Variants in ROS1 observed in about 807,000 individuals in gnomAD.
ROS1 encodes the protein proto-oncogene tyrosine-protein kinase ROS.
A neutral mutation model predicts 273.5 loss-of-function variants in ROS1; 263 were observed. The observed-to-expected ratio is 0.96, with a 90% CI of 0.87 to 1.06. ROS1 has a LOEUF of 1.06. Among genes scored for constraint, ROS1 ranks in the 50% least tolerant of loss-of-function variants. ROS1 has a pLI of 0.00. For missense variants in ROS1, 2,833 were observed against 2,751.1 expected, an observed-to-expected ratio of 1.03 and a Z score of -0.67; for synonymous variants, 1,008 against 954.1, an observed-to-expected ratio of 1.06 and a Z score of -1.04.
chr6:117,342,676 A>C, intron 28 of ROS1, 132 bp from the exon 29 acceptor site: 1 of 613,886 alleles, frequency 1.6e-6, no homozygotes, highest in Non-Finnish European at 2.7e-6. Flanking sequence ...CTGGATTATT[A>C]ATGGTAATAC....
In ROS1 at chr6:117,310,190, T is replaced by C. The variant is rs1582578695; in HGVS notation, c.6307A>G (p.Ile2103Val). Reference sequence around the variant, plus strand: ...TTTCTATAGTAATCATTTTTATAGATGTCTCTGGCGAGTCCAAAGTCTCCA... The same window carrying C: ...TTTCTATAGTAATCATTTTTATAGACGTCTCTGGCGAGTCCAAAGTCTCCA... ...KIGDFGLARD[I>V]YKNDYYRKRG... Residue 2103 changes from isoleucine to valine, a missense_variant, in exon 41 of 44, where the codon ATC becomes GTC. Transcript: ENST00000368507. 1 of 1,613,258 alleles carries C rather than the reference T, an allele frequency of 6.2e-7. No individual in the cohort carries two copies. The highest frequency in any genetic ancestry group is 8.5e-7 in the Non-Finnish European group (1 of 1,179,430).
At position 117,414,527 on chromosome 6, in the gene ROS1, C is replaced by T. The variant is rs751908071; in HGVS notation, c.247G>A (p.Val83Ile). The change falls in exon 4 of 44, where the codon GTT becomes ATT. Residue 83 changes from valine to isoleucine, a missense_variant. By Grantham distance (29) the Val-to-Ile change is conservative. Transcript: ENST00000368507. ...TGTGATTGCCAACTCACCTCACAAA[C>T]GGTGGCATAAGTATCATTCTGCATA... is the stretch of plus-strand genomic sequence containing the variant. ...ALKCNDTYATVCERESCEVGC... is the reference protein window; with the variant it reads ...ALKCNDTYATICERESCEVGC... 11 of 731,854 alleles carry T rather than the reference C, an allele frequency of 1.5e-5. No homozygotes were observed. The highest frequency in any genetic ancestry group is 2.5e-5 in the East Asian group (1 of 39,258). The allele number at this position is 731,854 out of a possible 1,614,324, so 45.3% of individuals were successfully genotyped here. A position where few individuals can be genotyped will look rare whatever the true frequency, so the allele number is the denominator to read the frequency against.
chr6:117,388,223 A>G (rs1772755126), intron 13 of ROS1, among the ~76,000 whole-genome samples: 1 of 152,228 alleles, frequency 6.6e-6, no homozygotes, highest in Non-Finnish European at 1.5e-5. Context: ...CCCAACAAAT[A>G]GGACTGTCCT....
chr6:117,310,250 C>T lies in ROS1; in HGVS notation c.6247G>A (p.Val2083Met), dbSNP rs750308356. The T allele has an allele frequency of 1.9e-5, 31 of 1,609,778 alleles. No individual in the cohort carries two copies. Among genetic ancestry groups the T allele is most frequent in the Admixed American group, 1.3e-4 (8 of 59,792 alleles). The change falls in exon 41 of 44, where the codon GTG becomes ATG. Residue 2083 changes from valine (V) to methionine (M), a missense_variant. By Grantham distance (21) the Val-to-Met change is conservative (BLOSUM62 1). Coordinates refer to ENST00000368507, the MANE Select transcript of ROS1 (RefSeq NM_001378902.1). ...DLAARNCLVS[V>M]KDYTSPRIVK... The stretch of plus-strand genomic sequence containing the variant: ...ATCCGTGGACTGGTATAGTCTTTCA[C>T]GGAAACAAGGCAATTTCTAGCTGCC...
chr6:117,369,022 T>G (rs578231321), intron 18 of ROS1, among the ~76,000 whole-genome samples: 1 of 152,200 alleles, frequency 6.6e-6, no homozygotes, highest in Non-Finnish European at 1.5e-5. Flanking sequence ...TAATTACATA[T>G]GTGACTTGCA....
Position 117,404,302 on chromosome 6 carries a change from A to G in ROS1, c.443T>C (p.Leu148Pro). ...TACCTTAGTATAAGTCCAGCTTCCC[A>G]GAAGTTGTGCATATTTCCACTGAAT... ...YIIQWKYAQL[L>P]GSWTYTKTVS... The change falls in exon 6 of 44, where the codon CTG becomes CCG. Residue 148 changes from leucine to proline, a missense_variant. Transcript: ENST00000368507. 2 of 1,613,982 alleles carry G rather than the reference A, an allele frequency of 1.2e-6. No individual in the cohort carries two copies. The highest frequency in any genetic ancestry group is 1.7e-6 in the Non-Finnish European group (2 of 1,179,948).
intron 13 of ROS1, among the ~76,000 whole-genome samples, 191 bp downstream of exon 13, chr6:117,389,159 G>A (rs1772839911): frequency 6.6e-6 from 1 of 152,208 alleles, no homozygotes; most frequent in South Asian, 2.1e-4. Flanking sequence ...GAGAAGTATA[G>A]AGATTCTCCT....
In ROS1 at chr6:117,317,164, C is replaced by CA. The variant is rs1265463041; in HGVS notation, c.6095dup (p.Leu2032PhefsTer3). ...CTACCGTTGCCATCCGGGCTTTACG[C>CA]AAATAAGTAAGAAGGTCTCCTCCCT... On this transcript the variant is annotated frameshift_variant, in exon 39 of 44. Transcript: ENST00000368507. LOFTEE classifies it high-confidence loss of function. 4 of 1,612,904 alleles carry CA rather than the reference C, an allele frequency of 2.5e-6. No homozygotes were observed. In the African/African-American group the frequency reaches 5.3e-5, roughly 22 times the overall value.
At chr6:117,346,608 T>C (rs995776564) in intron 27 of ROS1, among the ~76,000 whole-genome samples, 4 of 152,020 alleles carry the variant, frequency 2.6e-5, no homozygotes, top group Non-Finnish European at 5.9e-5. Context: ...TAGTCAGTTT[T>C]AGATTCACAG....
intron 4 of ROS1, among the ~76,000 whole-genome samples, chr6:117,412,514 C>T (rs147609569): frequency 5.9e-5 from 9 of 152,158 alleles, no homozygotes; most frequent in East Asian, 3.9e-4. Context: ...AAGCTTCCTA[C>T]GTTCAAACAT....
chr6:117,410,724 C>A (rs962171783), intron 4 of ROS1, among the ~76,000 whole-genome samples: 3 of 152,224 alleles, frequency 2.0e-5, no homozygotes, highest in African/African-American at 7.2e-5. Context: ...GGAAAGCAGG[C>A]ACAATACATT....
rs1254203522 is a variant in ROS1 at position 117,338,182 on chromosome 6, A to G, written c.5062-842T>C. 2.6e-5 allele frequency among the ~76,000 whole-genome samples: 4 copies of G among 152,258 alleles called. No homozygotes were observed. The East Asian group carries it at 5.8e-4, about 22-fold the overall frequency. On this transcript the variant is annotated intron_variant, in intron 31 of 43. Coordinates refer to ENST00000368507, the MANE Select transcript of ROS1 (RefSeq NM_001378902.1). ...TGTATTTTCCCTGTAGAGTTTCATA[A>G]AAAGGTCAGTTTCCATAAATAAACT... is the stretch of plus-strand genomic sequence containing the variant.
intron 4 of ROS1, among the ~76,000 whole-genome samples, chr6:117,410,028 C>T (rs1442799122): frequency 1.3e-5 from 2 of 152,286 alleles, no homozygotes; most frequent in South Asian, 2.1e-4. Flanking sequence ...TTAAAGTACA[C>T]AGTTCAGTGC....
At chr6:117,355,520 C>A (rs1298600923) in intron 26 of ROS1, among the ~76,000 whole-genome samples, 1 of 152,154 alleles carries the variant, frequency 6.6e-6, no homozygotes, top group African/African-American at 2.4e-5. Flanking sequence ...CCTACATTGT[C>A]CAATACAGTG....
chr6:117,334,851 T>G (rs1440898627), intron 32 of ROS1, among the ~76,000 whole-genome samples: 1 of 152,156 alleles, frequency 6.6e-6, no homozygotes, highest in African/African-American at 2.4e-5. Flanking sequence ...CAAGATGGAT[T>G]AAACACTTAA....
At chr6:117,402,182 C>A (rs1365249216) in intron 7 of ROS1, among the ~76,000 whole-genome samples, 1 of 152,178 alleles carries the variant, frequency 6.6e-6, no homozygotes, top group Non-Finnish European at 1.5e-5. Context: ...CTGGGTCTGG[C>A]CCCCATCTCT....
chr6:117,353,016 T>C lies in ROS1; in HGVS notation c.4277A>G (p.Tyr1426Cys), dbSNP rs1779004353. Residue 1426 changes from tyrosine to cysteine, a missense_variant, in exon 27 of 44, where the codon TAC (tyrosine) becomes TGC (cysteine). Physicochemically the swap from Tyr to Cys is radical, Grantham distance 194. Coordinates refer to ENST00000368507, the MANE Select transcript of ROS1 (RefSeq NM_001378902.1). ...TGGAAAAGGCTGCATAACTGAACTG[T>C]AAGCCAAGATATGCCTACTCCTTAG... is the stretch of plus-strand genomic sequence containing the variant. ...KALRSRHILA[Y>C]SSVMQPFPDK... The C allele has an allele frequency of 1.2e-6, 2 of 1,613,604 alleles. No homozygotes were observed. Among genetic ancestry groups the C allele is most frequent in the African/African-American group, 2.7e-5 (2 of 74,906 alleles).
At chr6:117,418,555 C>T (rs574741087) in intron 1 of ROS1, 49 bp from the exon 2 acceptor site, 133 of 1,380,886 alleles carry the variant, frequency 9.6e-5, no homozygotes, top group Admixed American at 1.2e-4. Context: ...TACTGGGTTC[C>T]GTGTAACTAA....
intron 39 of ROS1, among the ~76,000 whole-genome samples, chr6:117,314,508 TA>T (rs1366754967): frequency 6.6e-6 from 1 of 152,180 alleles, no homozygotes; most frequent in Non-Finnish European, 1.5e-5. Flanking sequence ...AAGGCCTAAC[TA>T]AATCATAGAT....
Sources: allele counts gnomAD v4.1 joint callset (sites outside exome capture counted in the v4.1 genomes callset), GRCh38; gene constraint gnomAD v4.1.1; transcripts MANE v1.5; gene names NCBI Gene and HGNC (gene_info 2026-07-23, HGNC 2026-07-21).